CEL: variants seen among roughly 807,000 people sequenced by gnomAD.
The protein encoded by CEL is carboxyl ester lipase.
Under a neutral mutation model 57.1 loss-of-function variants are expected in CEL, and 39 were observed. The ratio of observed to expected loss-of-function variants is 0.68; its 90% CI spans 0.53 to 0.89. The LOEUF is 0.89. Ranked by LOEUF, CEL falls within the 40% of genes least tolerant of loss-of-function variation. The pLI is 0.00. For missense variants in CEL, 698 were observed against 915.0 expected (o/e 0.76, Z 3.06); for synonymous variants, 314 against 396.6 (o/e 0.79, Z 2.48).
Position 133,064,520 on chromosome 9 carries a change from C to T in CEL, c.183C>T (p.Ala61=), listed in dbSNP as rs776959444. ...KGIPFAAPTK[A]LENPQPHPGW... is the part of the protein sequence containing the mutation. Reference sequence around the variant, plus strand: ...TCCCCTTCGCAGCTCCCACCAAGGCCCTGGAAAATCCTCAGCCACATCCTG... The same window carrying T: ...TCCCCTTCGCAGCTCCCACCAAGGCTCTGGAAAATCCTCAGCCACATCCTG... Residue 61 remains alanine, a synonymous_variant, in exon 2 of 11, where the codon GCC becomes GCT. Transcript: ENST00000372080. The T allele has an allele frequency of 1.4e-5, 23 of 1,614,172 alleles. No homozygotes were observed. The highest frequency in any genetic ancestry group is 6.7e-5 in the African/African-American group (5 of 75,054).
chr9:133,069,678 A>T (rs1830233526), intron 9 of CEL, among the ~76,000 whole-genome samples: 1 of 152,164 alleles, frequency 6.6e-6, no homozygotes, highest in African/African-American at 2.4e-5. Flanking sequence ...GCCAATTATA[A>T]TAAAAAATAA....
chr9:133,071,766 G>A lies in CEL; in HGVS notation c.*2G>A, dbSNP rs545590199. The A allele has an allele frequency of 3.6e-5, 58 of 1,611,862 alleles. No individual in the cohort carries two copies. Among genetic ancestry groups the A allele is most frequent in the Non-Finnish European group, 4.4e-5 (52 of 1,179,066 alleles). On this transcript the variant is annotated 3_prime_UTR_variant, in exon 11 of 11. Transcript: ENST00000372080. Reference sequence around the variant, plus strand: ...ATGCCTGCAGTCATTAGGTTTTAGCGTCCCATGAGCCTTGGTATCAAGAGG... The same window carrying A: ...ATGCCTGCAGTCATTAGGTTTTAGCATCCCATGAGCCTTGGTATCAAGAGG...
Position 133,071,673 on chromosome 9 carries a change from C to CT in CEL, c.2172dup (p.Val725CysfsTer6), listed in dbSNP as rs1564214447. The CT allele has an allele frequency of 6.3e-7, 1 of 1,591,490 alleles. No individual in the cohort carries two copies. The highest frequency in any genetic ancestry group is 2.3e-5 in the East Asian group (1 of 44,200). On this transcript the variant is annotated frameshift_variant, in exon 11 of 11. Transcript: ENST00000372080. LOFTEE classifies it high-confidence loss of function. The stretch of plus-strand genomic sequence containing the variant: ...CCCACGGGTGACTCCGGGGCCCCCC[C>CT]TGTGCCCCCCACGGGTGACTCTGAG...
rs1403610406 is a variant in CEL at position 133,064,765 on chromosome 9, C to T, written c.340+3C>T. ...GGTGCCCCAGGGCAGGAAGCAAGGT[C>T]TGCCTCCCCTCTACTCCCCAAGGGA... On this transcript the variant is annotated splice_donor_region_variant and intron_variant, in intron 3 of 10. Coordinates refer to ENST00000372080, the MANE Select transcript of CEL (RefSeq NM_001807.6). 4 of 1,613,938 alleles carry T rather than the reference C, an allele frequency of 2.5e-6. No individual in the cohort carries two copies. Among genetic ancestry groups the T allele is most frequent in the Non-Finnish European group, 3.4e-6 (4 of 1,180,022 alleles).
rs754312279 is a variant in CEL at position 133,066,666 on chromosome 9, G to A, written c.669+6G>A. On this transcript the variant is annotated splice_donor_region_variant and intron_variant, in intron 5 of 10. Transcript: ENST00000372080. The surrounding 1 kb of genome is among the most constrained non-coding windows in gnomAD (Gnocchi z 4.3). ...GTGCCAGCGTCTCTCTGCAGGTCTC[G>A]GGATCCCTGTGGGGAGGGCCTGCCC... The A allele has an allele frequency of 1.1e-5, 18 of 1,612,706 alleles. No individual in the cohort carries two copies. The highest frequency in any genetic ancestry group is 3.3e-5 in the Admixed American group (2 of 59,978).
chr9:133,065,792 G>T (rs1830168346), intron 4 of CEL, among the ~76,000 whole-genome samples: 1 of 147,636 alleles, frequency 6.8e-6, no homozygotes. Context: ...GTTGCGGTGA[G>T]CCGAGATCAT....
At chr9:133,067,982 G>A (rs1011383135) in intron 7 of CEL, among the ~76,000 whole-genome samples, 3 of 152,170 alleles carry the variant, frequency 2.0e-5, no homozygotes, top group Admixed American at 6.5e-5. Context: ...AGCTTGCTAC[G>A]CTAAGGCTGT....
chr9:133,066,275 C>T lies in CEL; in HGVS notation c.539-255C>T, dbSNP rs1453080430. Among the ~76,000 whole-genome samples the T allele has an allele frequency of 2.6e-5, 4 of 151,780 alleles. No homozygotes were observed. The highest frequency in any genetic ancestry group is 7.3e-5 in the African/African-American group (3 of 41,276). On this transcript the variant is annotated intron_variant, in intron 4 of 10. Transcript: ENST00000372080. The surrounding 1 kb of genome is among the most constrained non-coding windows in gnomAD (Gnocchi z 4.3). Reference sequence around the variant, plus strand: ...CAACCTCCTGGGGACCCACCCCATACAGCACCGCACCCGACTCAGCCTCCT... The same window carrying T: ...CAACCTCCTGGGGACCCACCCCATATAGCACCGCACCCGACTCAGCCTCCT...
At chr9:133,069,644 A>G (rs1830233162) in intron 9 of CEL, among the ~76,000 whole-genome samples, 2 of 152,076 alleles carry the variant, frequency 1.3e-5, no homozygotes, top group South Asian at 2.1e-4. Context: ...CCACCACCAC[A>G]TTAAAAATCT....
rs1274764915 is a variant in CEL at position 133,066,794 on chromosome 9, A to G, written c.670-44A>G. 6.2e-7 allele frequency: 1 copy of G among 1,607,266 alleles called. No homozygotes were observed. Among genetic ancestry groups the G allele is most frequent in the Admixed American group, 1.7e-5 (1 of 59,414 alleles). ...GTCCTTGTCCCAGCGTGGGGTGGGC[A>G]GAGTGGGGAGCGGCCTTGGTGACGG... On this transcript the variant is annotated intron_variant, in intron 5 of 10. Transcript: ENST00000372080. The surrounding 1 kb of genome is among the most constrained non-coding windows in gnomAD (Gnocchi z 4.3).
At position 133,070,492 on chromosome 9, in the gene CEL, C is replaced by T; in HGVS notation, c.1318C>T (p.His440Tyr). Reference protein sequence around the residue: ...SAKTYAYLFSHPSRMPVYPKW... With the variant: ...SAKTYAYLFSYPSRMPVYPKW... ...CAAGACCTACGCCTACCTGTTTTCC[C>T]ATCCCTCTCGGATGCCCGTCTACCC... Residue 440 changes from histidine (H) to tyrosine (Y), a missense_variant, in exon 10 of 11, where the codon CAT becomes TAT. Physicochemically the swap from His to Tyr is moderately conservative, Grantham distance 83 (BLOSUM62 2). This residue lies in a region of CEL where 111 missense variants were observed against 147.3 expected (regional missense o/e 0.75). Coordinates refer to ENST00000372080, the MANE Select transcript of CEL (RefSeq NM_001807.6). 1.9e-6 allele frequency: 3 copies of T among 1,613,834 alleles called. No individual in the cohort carries two copies. The South Asian group carries it at 3.3e-5, about 18-fold the overall frequency.
chr9:133,067,305 G>C (rs1475594362), intron 7 of CEL, 100 bp downstream of exon 7: 7 of 1,100,080 alleles, frequency 6.4e-6, no homozygotes, highest in Non-Finnish European at 8.1e-6. Context: ...TGCCAGAGCT[G>C]CGGTCTTGTC....
chr9:133,066,979 G>A lies in CEL; in HGVS notation c.777+34G>A, dbSNP rs1349806321. On this transcript the variant is annotated intron_variant, in intron 6 of 10. Transcript: ENST00000372080. This position sits in a 1 kb window ranked among gnomAD's most constrained non-coding sequence, Gnocchi z 4.3. ...AGGAGGGCAGGGCTGGGCGGGGTGG[G>A]GGCTGTCCACATTTCCGTTCTTTAT... is the stretch of plus-strand genomic sequence containing the variant. 3 of 1,594,032 alleles carry A rather than the reference G, an allele frequency of 1.9e-6. No individual in the cohort carries two copies. Among genetic ancestry groups the A allele is most frequent in the Non-Finnish European group, 2.6e-6 (3 of 1,162,116 alleles).
chr9:133,064,448 TAAG>T lies in CEL; in HGVS notation c.115_117del (p.Lys39del), dbSNP rs754096426. On this transcript the variant is annotated inframe_deletion, in exon 2 of 11. Transcript: ENST00000372080. ...AAGGTGGGTTCGTGGAAGGCGTCAA[TAAG>T]AAGCTCGGCCTCCTGGGTGACTCTG... The T allele has an allele frequency of 6.2e-7, 1 of 1,614,114 alleles. No homozygotes were observed. The highest frequency in any genetic ancestry group is 1.1e-5 in the South Asian group (1 of 91,076).
At chr9:133,063,809 G>T (rs570892369) in intron 1 of CEL, among the ~76,000 whole-genome samples, 3 of 152,216 alleles carry the variant, frequency 2.0e-5, no homozygotes, top group South Asian at 2.1e-4. Context: ...TCCCTAGGGG[G>T]TTCTTTACCA....
At position 133,066,250 on chromosome 9, in the gene CEL, C is replaced by G. The variant is rs943888389; in HGVS notation, c.539-280C>G. Among the ~76,000 whole-genome samples the G allele has an allele frequency of 5.9e-5, 9 of 152,060 alleles. No individual in the cohort carries two copies. The highest frequency in any genetic ancestry group is 1.9e-4 in the African/African-American group (8 of 41,370). On this transcript the variant is annotated intron_variant, in intron 4 of 10. Coordinates refer to ENST00000372080, the MANE Select transcript of CEL (RefSeq NM_001807.6). The surrounding 1 kb of genome is among the most constrained non-coding windows in gnomAD (Gnocchi z 4.3). ...CACCCCCTCCAGCACCACACCAACC[C>G]AACCTCCTGGGGACCCACCCCATAC...
rs769758934 is a variant in CEL at position 133,071,166 on chromosome 9, A to G, written c.1664A>G (p.Gln555Arg). ...TYLALPTVTD[Q>R]EATPVPPTGD... ...CTGGCGCTGCCCACAGTGACCGACC[A>G]GGAGGCCACCCCTGTGCCCCCCACA... Residue 555 changes from glutamine to arginine, a missense_variant, in exon 11 of 11, where the codon CAG (glutamine) becomes CGG (arginine). Physicochemically the swap from Gln to Arg is conservative, Grantham distance 43. Coordinates refer to ENST00000372080, the MANE Select transcript of CEL (RefSeq NM_001807.6). 1 of 1,607,994 alleles carries G rather than the reference A, an allele frequency of 6.2e-7. No individual in the cohort carries two copies. The highest frequency in any genetic ancestry group is 8.5e-7 in the Non-Finnish European group (1 of 1,179,506).
chr9:133,066,613 A>T lies in CEL; in HGVS notation c.622A>T (p.Ile208Phe). ...GGCCTTCGGGGGGGACCCCAACAAC[A>T]TCACGCTCTTCGGGGAGTCTGCTGG... ...IAAFGGDPNNITLFGESAGGA... is the reference protein window; with the variant it reads ...IAAFGGDPNNFTLFGESAGGA... The change falls in exon 5 of 11, where the codon ATC (isoleucine) becomes TTC (phenylalanine). Residue 208 changes from isoleucine to phenylalanine, a missense_variant. Ile to Phe is a conservative substitution (Grantham distance 21). Transcript: ENST00000372080. This position sits in a 1 kb window ranked among gnomAD's most constrained non-coding sequence, Gnocchi z 4.3. The T allele has an allele frequency of 6.2e-7, 1 of 1,613,602 alleles. No homozygotes were observed. Among genetic ancestry groups the T allele is most frequent in the Non-Finnish European group, 8.5e-7 (1 of 1,179,944 alleles).
Position 133,071,637 on chromosome 9 carries a change from C to G in CEL, c.2135C>G (p.Ala712Gly). The change falls in exon 11 of 11, where the codon GCC (alanine) becomes GGC (glycine). Residue 712 changes from alanine (A) to glycine (G), a missense_variant. Ala to Gly is a moderately conservative substitution (Grantham distance 60). This residue lies in a region of CEL where 238 missense variants were observed against 213.7 expected (regional missense o/e 1.11). Coordinates refer to ENST00000372080, the MANE Select transcript of CEL (RefSeq NM_001807.6). ...PVTPTGDSET[A>G]PVPPTGDSGA... Reference sequence around the variant, plus strand: ...ACCCCCACGGGTGACTCCGAGACCGCCCCCGTGCCGCCCACGGGTGACTCC... The same window carrying G: ...ACCCCCACGGGTGACTCCGAGACCGGCCCCGTGCCGCCCACGGGTGACTCC... 1 of 1,519,944 alleles carries G rather than the reference C, an allele frequency of 6.6e-7. No individual in the cohort carries two copies. The highest frequency in any genetic ancestry group is 2.3e-5 in the East Asian group (1 of 43,628). 94.2% of individuals were successfully genotyped at this position (1,519,944 alleles called of 1,614,324 possible). A position where few individuals can be genotyped will look rare whatever the true frequency, so the allele number is the denominator to read the frequency against.
Sources: gnomAD v4.1 joint callset for allele counts (sites outside exome capture counted in the v4.1 genomes callset) on GRCh38, gnomAD v4.1.1 for gene constraint, gnomAD v4.1.1 regional missense constraint, Gnocchi (gnomAD v3.1) non-coding constraint, MANE v1.5 for transcripts, NCBI Gene and HGNC (gene_info 2026-07-23, HGNC 2026-07-21) for gene names.